CNTN5: variants seen among roughly 807,000 people sequenced by gnomAD.
CNTN5 encodes contactin 5, also known as contactin-5.
CNTN5 carries 77 observed loss-of-function variants against 129.1 expected under a neutral mutation model. That is an observed-to-expected ratio of 0.60 (90% CI 0.50 to 0.72). The LOEUF (loss-of-function observed/expected upper bound fraction) is 0.72, where lower values mean the gene tolerates loss of function less well. Ranked by LOEUF, CNTN5 falls within the 30% of genes least tolerant of loss-of-function variation. The pLI is 0.00. For synonymous variants in CNTN5, 509 were observed against 465.6 expected (o/e 1.09, Z -1.20); for missense variants, 1,478 against 1,328.8 (o/e 1.11, Z -1.75).
intron 6 of CNTN5, among the ~76,000 whole-genome samples, chr11:99,876,267 C>A (rs774241162): frequency 9.9e-5 from 15 of 152,102 alleles, no homozygotes; most frequent in Non-Finnish European, 1.9e-4. Flanking sequence ...ATGTTAGGCC[C>A]TTTTTCCTAA....
intron 4 of CNTN5, among the ~76,000 whole-genome samples, chr11:99,832,793 G>T (rs1323641113): frequency 6.6e-6 from 1 of 152,046 alleles, no homozygotes; most frequent in South Asian, 2.1e-4. Flanking sequence ...ATTTTATTGG[G>T]CATGATAGGC....
chr11:99,893,595 G>T (rs1269154389), intron 6 of CNTN5, among the ~76,000 whole-genome samples: 2 of 152,074 alleles, frequency 1.3e-5, no homozygotes, highest in East Asian at 3.9e-4. Flanking sequence ...TGTGTTCATG[G>T]CAAGGATACT....
At chr11:99,538,673 T>G (rs893229896) in intron 2 of CNTN5, among the ~76,000 whole-genome samples, 6 of 152,134 alleles carry the variant, frequency 3.9e-5, no homozygotes, top group African/African-American at 1.2e-4. Context: ...TACTAGCATT[T>G]AAACCACTGT....
chr11:99,286,774 T>G (rs540532616), intron 1 of CNTN5, among the ~76,000 whole-genome samples: 1 of 142,020 alleles, frequency 7.0e-6, no homozygotes, highest in South Asian at 2.4e-4. Context: ...ATAAGCCTTT[T>G]TAGCATAAAA....
chr11:100,002,958 A>G (rs1322410670), intron 9 of CNTN5, among the ~76,000 whole-genome samples: 1 of 151,944 alleles, frequency 6.6e-6, no homozygotes, highest in Non-Finnish European at 1.5e-5. Context: ...CAGAGAGCAA[A>G]CTCCCACAAT....
rs562508097 is a variant in CNTN5 at position 100,231,553 on chromosome 11, TAG to T, written c.2005+6744_2005+6745del. Among the ~76,000 whole-genome samples, 146 of 152,256 alleles carry T rather than the reference TAG, an allele frequency of 9.6e-4. 1 individual carries two copies. The highest frequency in any genetic ancestry group is 1.5e-3 in the Non-Finnish European group (101 of 68,020). ...GACTAACAGAGTTCCAAGTTATACT[TAG>T]AGTGTCAAAGTAGTTATTAATGAGG... On this transcript the variant is annotated intron_variant, in intron 16 of 24. Coordinates refer to ENST00000524871, the MANE Select transcript of CNTN5 (RefSeq NM_014361.4).
intron 13 of CNTN5, among the ~76,000 whole-genome samples, chr11:100,167,353 A>G (rs944687620): frequency 1.3e-5 from 2 of 151,868 alleles, no homozygotes; most frequent in African/African-American, 4.8e-5. Context: ...ATTGGAGATG[A>G]CTGATAAATA....
intron 17 of CNTN5, among the ~76,000 whole-genome samples, chr11:100,260,784 T>G (rs898019906): frequency 6.6e-6 from 1 of 152,172 alleles, no homozygotes; most frequent in Non-Finnish European, 1.5e-5. Flanking sequence ...TAGGTACTGA[T>G]GGAACATATC....
intron 13 of CNTN5, among the ~76,000 whole-genome samples, chr11:100,118,502 C>A (rs890859953): frequency 2.6e-5 from 4 of 151,888 alleles, no homozygotes; most frequent in Admixed American, 2.0e-4. Context: ...TTACTGCTCA[C>A]AAACTATTCA....
chr11:99,680,609 G>C (rs888526152), intron 3 of CNTN5, among the ~76,000 whole-genome samples: 11 of 152,062 alleles, frequency 7.2e-5, no homozygotes, highest in African/African-American at 2.7e-4. Flanking sequence ...CTCTGATGGA[G>C]ATGCACAAGG....
At chr11:99,093,167 C>T (rs898541934) in intron 1 of CNTN5, among the ~76,000 whole-genome samples, 13 of 152,004 alleles carry the variant, frequency 8.6e-5, no homozygotes, top group Non-Finnish European at 1.6e-4. Context: ...AACAACTTTC[C>T]TCTAATTTAA....
At chr11:100,053,227 A>C (rs372825964) in intron 9 of CNTN5, among the ~76,000 whole-genome samples, 70 of 151,842 alleles carry the variant, frequency 4.6e-4, no homozygotes, top group African/African-American at 1.6e-3. Flanking sequence ...AAAAACCACT[A>C]AGAAAACAAT....
chr11:99,885,079 T>G (rs577178058), intron 6 of CNTN5, among the ~76,000 whole-genome samples: 2 of 152,066 alleles, frequency 1.3e-5, no homozygotes, highest in Non-Finnish European at 2.9e-5. Flanking sequence ...GCCCAGGAGT[T>G]TGAGACCAGC....
intron 3 of CNTN5, among the ~76,000 whole-genome samples, chr11:99,817,395 G>A (rs1176170541): frequency 6.6e-6 from 1 of 152,124 alleles, no homozygotes; most frequent in African/African-American, 2.4e-5. Flanking sequence ...GTATGGAGTG[G>A]CACAAGCCCA....
At chr11:99,502,650 CCA>C (rs1946469179) in intron 2 of CNTN5, among the ~76,000 whole-genome samples, 4 of 152,096 alleles carry the variant, frequency 2.6e-5, no homozygotes, top group African/African-American at 9.7e-5. Flanking sequence ...TATAAATTAC[CCA>C]GTCTCAGGCA....
At chr11:99,978,169 T>C (rs1306642549) in intron 8 of CNTN5, among the ~76,000 whole-genome samples, 2 of 152,000 alleles carry the variant, frequency 1.3e-5, no homozygotes, top group African/African-American at 2.4e-5. Flanking sequence ...ATTTTAAAGA[T>C]AGAAAAAAGC....
chr11:99,186,423 C>A (rs547257463), intron 1 of CNTN5, among the ~76,000 whole-genome samples: 1 of 151,758 alleles, frequency 6.6e-6, no homozygotes, highest in South Asian at 2.1e-4. Context: ...TTTGTGGTTG[C>A]ATTTTAAAAA....
At chr11:99,341,318 T>C (rs1866504166) in intron 2 of CNTN5, among the ~76,000 whole-genome samples, 1 of 152,210 alleles carries the variant, frequency 6.6e-6, no homozygotes, top group South Asian at 2.1e-4. Flanking sequence ...ATATTTGGAA[T>C]TTGTTTTCAG....
In CNTN5 at chr11:99,048,153, G is replaced by A. The variant is rs369544436; in HGVS notation, c.-210+26883G>A. On this transcript the variant is annotated intron_variant, in intron 1 of 24. Coordinates refer to ENST00000524871, the MANE Select transcript of CNTN5 (RefSeq NM_014361.4). ...TTCTTTTTGTTTAGATGAGTTCACA[G>A]TCAATGCACAAAGTCTTTAAATGAT... Among the ~76,000 whole-genome samples, 6 of 152,082 alleles carry A rather than the reference G, an allele frequency of 3.9e-5. 1 individual carries two copies. The highest frequency in any genetic ancestry group is 1.3e-4 in the Admixed American group (2 of 15,260).
Sources: allele counts gnomAD v4.1 joint callset (sites outside exome capture counted in the v4.1 genomes callset), GRCh38; gene constraint gnomAD v4.1.1; transcripts MANE v1.5; gene names NCBI Gene and HGNC (gene_info 2026-07-23, HGNC 2026-07-21).